Variants in IGF1 observed in about 807,000 individuals in gnomAD.
IGF1 encodes the protein insulin-like growth factor 1.
Under a neutral mutation model 13.8 loss-of-function variants are expected in IGF1, and 4 were observed. The observed-to-expected ratio is 0.29, with a 90% confidence interval of 0.14 to 0.66. IGF1 has a LOEUF of 0.66. Among genes scored for constraint, IGF1 ranks in the 30% least tolerant of loss-of-function variants. The probability of loss-of-function intolerance (pLI) is 0.78; values close to 1 mark genes in which losing one functional copy is unlikely to be tolerated. For synonymous variants in IGF1, 76 were observed against 72.6 expected (o/e 1.05, Z -0.23); for missense variants, 124 against 188.5 (o/e 0.66, Z 2.00).
intron 2 of IGF1, among the ~76,000 whole-genome samples, chr12:102,466,351 C>T (rs1290386278): frequency 2.6e-5 from 4 of 152,216 alleles, no homozygotes; most frequent in Admixed American, 6.5e-5. Context: ...AATCTCGACT[C>T]GGGGGTGATT....
At chr12:102,413,204 T>C (rs554464646) in intron 3 of IGF1, among the ~76,000 whole-genome samples, 1 of 152,340 alleles carries the variant, frequency 6.6e-6, no homozygotes, top group Non-Finnish European at 1.5e-5. Context: ...ATTAATCTTT[T>C]CATTGCTCCT....
intron 2 of IGF1, 94 bp downstream of exon 2, chr12:102,475,549 C>T: frequency 2.2e-6 from 3 of 1,390,954 alleles, no homozygotes; most frequent in Non-Finnish European, 3.1e-6. Context: ...GATACGGGCA[C>T]TCATTCAGTT....
chr12:102,431,886 C>T (rs970265169), intron 2 of IGF1, among the ~76,000 whole-genome samples: 1 of 152,178 alleles, frequency 6.6e-6, no homozygotes, highest in African/African-American at 2.4e-5. Flanking sequence ...CAGTTTAGGA[C>T]ATAGCTCTTG....
At chr12:102,426,431 T>A (rs1876214724) in intron 2 of IGF1, among the ~76,000 whole-genome samples, 1 of 152,234 alleles carries the variant, frequency 6.6e-6, no homozygotes, top group South Asian at 2.1e-4. Context: ...TGGGCAGGTA[T>A]CCTCTTCCTC....
chr12:102,452,425 C>A (rs1248870461), intron 2 of IGF1, among the ~76,000 whole-genome samples: 1 of 152,096 alleles, frequency 6.6e-6, no homozygotes, highest in Non-Finnish European at 1.5e-5. Context: ...TGAGAATGGA[C>A]TCATACAAAT....
intron 3 of IGF1, among the ~76,000 whole-genome samples, chr12:102,414,326 G>A (rs1272203945): frequency 6.6e-6 from 1 of 152,068 alleles, no homozygotes; most frequent in Admixed American, 6.5e-5. Flanking sequence ...TACATGATCT[G>A]CCCAAAGCCA....
chr12:102,419,702 A>G lies in IGF1; in HGVS notation c.221-12T>C, dbSNP rs1157278759. ...CCCTGTGGGCTTGTCTGCACAAATC[A>G]AACAGAGTGGCCTCATGTTAGGGTG... On this transcript the variant is annotated splice_polypyrimidine_tract_variant and intron_variant, in intron 2 of 3. Coordinates refer to ENST00000337514, the MANE Select transcript of IGF1 (RefSeq NM_000618.5). 2 of 1,610,542 alleles carry G rather than the reference A, an allele frequency of 1.2e-6. No individual in the cohort carries two copies. Among genetic ancestry groups the G allele is most frequent in the South Asian group, 2.2e-5 (2 of 91,054 alleles).
intron 2 of IGF1, among the ~76,000 whole-genome samples, chr12:102,434,535 A>G (rs1877047348): frequency 6.9e-6 from 1 of 144,646 alleles, no homozygotes; most frequent in Non-Finnish European, 1.5e-5. Flanking sequence ...ACATTTTCTT[A>G]ATCCAGTCTA....
upstream of IGF1, among the ~76,000 whole-genome samples, chr12:102,481,532 G>C (rs1455088201): frequency 4.6e-5 from 7 of 152,106 alleles, no homozygotes; most frequent in Admixed American, 4.6e-4. Flanking sequence ...CCGGCAACAT[G>C]GTCCAAGCCA....
rs70961704 is a variant in IGF1 at position 102,402,244 on chromosome 12, A to T, written c.*263T>A. 0.027 allele frequency: 6,133 copies of T among 227,346 alleles called. 93 individuals carry two copies. The highest frequency in any genetic ancestry group is 0.052 in the South Asian group (705 of 13,540). The allele number at this position is 227,346 out of a possible 1,614,324, so 14.1% of individuals were successfully genotyped here. On this transcript the variant is annotated 3_prime_UTR_variant, in exon 4 of 4. Coordinates refer to ENST00000337514, the MANE Select transcript of IGF1 (RefSeq NM_000618.5). ...GGGACTAAGATATATATATATATAT[A>T]TTTTTTTTTTCTTTTCTATAGAACA...
rs896235448 is a variant in IGF1 at position 102,419,623 on chromosome 12, G to A, written c.288C>T (p.Cys96=). 2 of 1,613,738 alleles carry A rather than the reference G, an allele frequency of 1.2e-6. No homozygotes were observed. Among genetic ancestry groups the A allele is most frequent in the Admixed American group, 1.7e-5 (1 of 60,026 alleles). The change falls in exon 3 of 4, where the codon TGC becomes TGT. Residue 96 remains cysteine (C), a synonymous_variant. Transcript: ENST00000337514. The part of the protein sequence containing the change: ...APQTGIVDEC[C]FRSCDLRRLE... ...GCCTCCTTAGATCACAGCTCCGGAA[G>A]CAGCACTCATCCACGATGCCTGTCT... is the stretch of plus-strand genomic sequence containing the variant.
In IGF1 at chr12:102,475,785, G is replaced by A; in HGVS notation, c.78C>T (p.Thr26=). 6.2e-7 allele frequency: 1 copy of A among 1,613,580 alleles called. No individual in the cohort carries two copies. Among genetic ancestry groups the A allele is most frequent in the Non-Finnish European group, 8.5e-7 (1 of 1,179,756 alleles). Residue 26 remains threonine (T), a synonymous_variant, in exon 2 of 4, where the codon ACC becomes ACT. Transcript: ENST00000337514. The stretch of plus-strand genomic sequence containing the variant: ...GGTAGAAGAGATGCGAGGAGGACAT[G>A]GTGTGCATCTTCACCTGCCCAAGAA... ...FCDFLKVKMH[T]MSSSHLFYLA...
chr12:102,457,540 C>A (rs1879522052), intron 2 of IGF1, among the ~76,000 whole-genome samples: 1 of 152,192 alleles, frequency 6.6e-6, no homozygotes, highest in Non-Finnish European at 1.5e-5. Context: ...TAGAACACAA[C>A]CATGCCTCTA....
intron 2 of IGF1, among the ~76,000 whole-genome samples, chr12:102,441,958 T>TTCTTCTTCTTCTTC (rs1180940405): frequency 0.068 from 2,773 of 40,772 alleles, 61 homozygotes; most frequent in Middle Eastern, 0.12. Flanking sequence ...TCTTCTTCTT[T>TTCTTCTTCTTCTTC]TTTTTTTTTG....
chr12:102,442,971 T>A (rs1398518442), intron 2 of IGF1, among the ~76,000 whole-genome samples: 1 of 152,064 alleles, frequency 6.6e-6, no homozygotes, highest in Admixed American at 6.6e-5. Context: ...TTTGATAGCA[T>A]GGAAAATGGC....
intron 2 of IGF1, among the ~76,000 whole-genome samples, chr12:102,425,429 G>C (rs969541006): frequency 2.0e-5 from 3 of 152,022 alleles, no homozygotes; most frequent in Admixed American, 6.6e-5. Flanking sequence ...GGCCCTCTAC[G>C]ACCTGCCCCC....
rs550119283 is a variant in IGF1 at position 102,466,153 on chromosome 12, C to G, written c.220+9490G>C. 3.3e-5 allele frequency among the ~76,000 whole-genome samples: 5 copies of G among 152,132 alleles called. No homozygotes were observed. The South Asian group carries it at 1.0e-3, about 32-fold the overall frequency. On this transcript the variant is annotated intron_variant, in intron 2 of 3. Coordinates refer to ENST00000337514, the MANE Select transcript of IGF1 (RefSeq NM_000618.5). The stretch of plus-strand genomic sequence containing the variant: ...AAGGCCTGCAAAAGGTTTTAAATAG[C>G]CTATAGGAAGAACTTTTATTTTTCA...
chr12:102,424,110 A>T (rs1875988774), intron 2 of IGF1, among the ~76,000 whole-genome samples: 1 of 152,220 alleles, frequency 6.6e-6, no homozygotes, highest in Non-Finnish European at 1.5e-5. Context: ...TAAATAATAA[A>T]AAAACGCAAA....
At chr12:102,449,269 AC>A (rs1395042009) in intron 2 of IGF1, among the ~76,000 whole-genome samples, 2 of 151,786 alleles carry the variant, frequency 1.3e-5, no homozygotes, top group Non-Finnish European at 2.9e-5. Flanking sequence ...GAAGCTGAAA[AC>A]CATTCTCAGC....
Sources: allele counts gnomAD v4.1 joint callset (sites outside exome capture counted in the v4.1 genomes callset), GRCh38; gene constraint gnomAD v4.1.1; transcripts MANE v1.5; gene names NCBI Gene and HGNC (gene_info 2026-07-23, HGNC 2026-07-21).